Variants in DOCK3 observed in about 807,000 individuals in gnomAD.
DOCK3 encodes the protein dedicator of cytokinesis protein 3.
A neutral mutation model predicts 265.6 loss-of-function variants in DOCK3; 60 were observed. That is an observed-to-expected ratio of 0.23 (90% CI 0.18 to 0.28). The LOEUF is 0.28. Among genes scored for constraint, DOCK3 ranks in the 10% least tolerant of loss-of-function variants. The probability of loss-of-function intolerance (pLI) is 1.00; values close to 1 mark genes in which losing one functional copy is unlikely to be tolerated. For synonymous variants in DOCK3, 881 were observed against 938.0 expected, an observed-to-expected ratio of 0.94 and a Z score of 1.11; for missense variants, 1,981 against 2,594.3, an observed-to-expected ratio of 0.76 and a Z score of 5.14.
chr3:51,362,774 G>C (rs1365445343), intron 49 of DOCK3, 100 bp downstream of exon 49: 3 of 1,464,134 alleles, frequency 2.0e-6, no homozygotes, highest in African/African-American at 2.8e-5. Context: ...GAGCAGCCCT[G>C]TGACTTAGAG....
intron 5 of DOCK3, among the ~76,000 whole-genome samples, chr3:51,009,403 A>G (rs1369151733): frequency 1.3e-5 from 2 of 152,100 alleles, no homozygotes; most frequent in South Asian, 2.1e-4. Flanking sequence ...GTTTATTTTT[A>G]TAGAGGTGTT....
rs147446652 is a variant in DOCK3 at position 50,695,866 on chromosome 3, G to A, written c.37+20566G>A. ...TTGAGCAAAGAATGATTCACAAATT[G>A]GGCAGCCTTCTGAGCCAGAGTAGGC... On this transcript the variant is annotated intron_variant, in intron 1 of 52. Transcript: ENST00000266037. 5.1e-3 allele frequency among the ~76,000 whole-genome samples: 774 copies of A among 152,252 alleles called. 6 individuals are homozygous for A. Among genetic ancestry groups the A allele is most frequent in the Middle Eastern group, 0.014 (4 of 294 alleles).
intron 3 of DOCK3, among the ~76,000 whole-genome samples, chr3:50,853,862 A>AT (rs138498095): frequency 0.75 from 110,566 of 147,316 alleles, 42,147 homozygotes; most frequent in Middle Eastern, 0.86. Flanking sequence ...TGGTAGTTCT[A>AT]TTTTTTTTGT....
At chr3:51,364,580 A>G (rs1050842523) in intron 49 of DOCK3, among the ~76,000 whole-genome samples, 3 of 152,112 alleles carry the variant, frequency 2.0e-5, no homozygotes, top group South Asian at 2.1e-4. Flanking sequence ...CCTGAATGGT[A>G]TTGCCTAGGT....
At chr3:50,755,568 G>A (rs1027201040) in intron 1 of DOCK3, among the ~76,000 whole-genome samples, 1 of 152,122 alleles carries the variant, frequency 6.6e-6, no homozygotes, top group Non-Finnish European at 1.5e-5. Flanking sequence ...CAATACATTG[G>A]TTTTTAGTAT....
chr3:50,735,011 G>A lies in DOCK3; in HGVS notation c.38-43664G>A, dbSNP rs533959484. Among the ~76,000 whole-genome samples, 50 of 152,284 alleles carry A rather than the reference G, an allele frequency of 3.3e-4. 1 individual carries two copies. In the South Asian group the frequency reaches 9.7e-3, roughly 30 times the overall value. ...CTTGTAAGATAGGTCTAGTGTTGAT[G>A]AACTGCCTCAGCTTTTGTATGAGAA... On this transcript the variant is annotated intron_variant, in intron 1 of 52. Coordinates refer to ENST00000266037, the MANE Select transcript of DOCK3 (RefSeq NM_004947.5).
intron 7 of DOCK3, among the ~76,000 whole-genome samples, chr3:51,085,322 A>G (rs952779277): frequency 5.3e-5 from 8 of 152,240 alleles, no homozygotes; most frequent in African/African-American, 1.9e-4. Context: ...GAACAAATGT[A>G]CTTAACAGAC....
chr3:50,894,362 C>T (rs2048792590), intron 4 of DOCK3, among the ~76,000 whole-genome samples: 1 of 152,002 alleles, frequency 6.6e-6, no homozygotes, highest in East Asian at 1.9e-4. Flanking sequence ...AACCAGTACC[C>T]AGCAAAACTG....
At chr3:51,362,086 AC>A in intron 48 of DOCK3, 89 bp downstream of exon 48, 1 of 1,460,274 alleles carries the variant, frequency 6.8e-7, no homozygotes, top group Non-Finnish European at 9.1e-7. Context: ...GGGCTTGGCA[AC>A]CCTGCCTAAT....
At chr3:50,843,219 G>GGT (rs1282633969) in intron 3 of DOCK3, among the ~76,000 whole-genome samples, 5 of 152,244 alleles carry the variant, frequency 3.3e-5, no homozygotes, top group African/African-American at 1.2e-4. Flanking sequence ...GGGTCAGCTG[G>GGT]GTAGCCAGTT....
At chr3:51,245,441 A>T (rs1466078074) in intron 21 of DOCK3, among the ~76,000 whole-genome samples, 1 of 134,420 alleles carries the variant, frequency 7.4e-6, no homozygotes, top group Admixed American at 8.5e-5. Flanking sequence ...CCTGGGCTGG[A>T]GTGCAATGGC....
chr3:50,788,781 G>T (rs1294929572), intron 2 of DOCK3, among the ~76,000 whole-genome samples: 2 of 140,688 alleles, frequency 1.4e-5, no homozygotes. Flanking sequence ...AGGGTGGGCA[G>T]AGCGCAGGGA....
chr3:51,228,237 GC>G, intron 17 of DOCK3, 149 bp downstream of exon 17: 1 of 751,096 alleles, frequency 1.3e-6, no homozygotes, highest in Non-Finnish European at 2.2e-6. Flanking sequence ...CTGTGGGCAG[GC>G]TTCTGTCTTC....
chr3:50,709,314 T>A (rs777721689), intron 1 of DOCK3, among the ~76,000 whole-genome samples: 4 of 152,230 alleles, frequency 2.6e-5, no homozygotes, highest in Non-Finnish European at 5.9e-5. Context: ...TAGAAATTTC[T>A]GTATAGAAGC....
chr3:50,922,221 G>T (rs938513201), intron 4 of DOCK3, among the ~76,000 whole-genome samples: 4 of 152,196 alleles, frequency 2.6e-5, no homozygotes, highest in African/African-American at 9.6e-5. Flanking sequence ...AAGCTTCCTG[G>T]CCACTTTGTT....
chr3:51,067,608 C>T (rs2081651137), intron 6 of DOCK3, among the ~76,000 whole-genome samples: 1 of 151,752 alleles, frequency 6.6e-6, no homozygotes, highest in Non-Finnish European at 1.5e-5. Flanking sequence ...CTCCTTTCTT[C>T]CTCCCCTTGC....
At chr3:50,744,449 T>C (rs1431124124) in intron 1 of DOCK3, among the ~76,000 whole-genome samples, 9 of 152,052 alleles carry the variant, frequency 5.9e-5, no homozygotes, top group Admixed American at 5.2e-4. Context: ...TTTTTTTTTT[T>C]TTTGAGGCAG....
chr3:51,093,750 T>A (rs2082723279), intron 9 of DOCK3, among the ~76,000 whole-genome samples: 1 of 152,228 alleles, frequency 6.6e-6, no homozygotes, highest in Non-Finnish European at 1.5e-5. Context: ...TGTGCCAGTT[T>A]TCAAAGGGAA....
chr3:50,768,228 T>C (rs2041034933), intron 1 of DOCK3, among the ~76,000 whole-genome samples: 1 of 152,198 alleles, frequency 6.6e-6, no homozygotes. Flanking sequence ...ACTGAATGCC[T>C]ATTCAGTATG....
Sources: allele counts gnomAD v4.1 joint callset (sites outside exome capture counted in the v4.1 genomes callset), GRCh38; gene constraint gnomAD v4.1.1; transcripts MANE v1.5; gene names NCBI Gene and HGNC (gene_info 2026-07-23, HGNC 2026-07-21).